Variants in ABCB8 observed in about 807,000 individuals in gnomAD.
ABCB8 encodes the protein mitochondrial potassium channel ATP-binding subunit.
ABCB8 carries 52 observed loss-of-function variants against 73.0 expected under a neutral mutation model. That is an observed-to-expected ratio of 0.71 (90% CI 0.57 to 0.90). ABCB8 has a LOEUF of 0.90. Ranked by LOEUF, ABCB8 falls within the 40% of genes least tolerant of loss-of-function variation. The pLI, the probability that ABCB8 is intolerant of heterozygous loss-of-function variation, is 0.00. For synonymous variants in ABCB8, 428 were observed against 423.5 expected, an observed-to-expected ratio of 1.01 and a Z score of -0.13; for missense variants, 909 against 974.6, an observed-to-expected ratio of 0.93 and a Z score of 0.90.
rs945410456 is a variant in ABCB8, at chr7:151,033,626, C to A, written c.117C>A (p.Ser39Arg). The change falls in exon 2 of 16, where the codon AGC (serine) becomes AGA (arginine). Residue 39 changes from serine (S) to arginine (R), a missense_variant. Transcript: ENST00000358849. ...ACAGGTACTCTGATGGCTACCGCAG[C>A]TCCTCCCTCCTCCGGGCCGTGGCCC... is the stretch of plus-strand genomic sequence containing the variant. ...SAVRYSDGYR[S>R]SSLLRAVAHL... is the part of the protein sequence containing the mutation. 6.3e-7 allele frequency: 1 copy of A among 1,587,734 alleles called. No homozygotes were observed. The highest frequency in any genetic ancestry group is 2.2e-5 in the East Asian group (1 of 44,446).
chr7:151,030,444 G>A lies in ABCB8; in HGVS notation c.95+1834G>A, dbSNP rs1048704919. On this transcript the variant is annotated intron_variant, in intron 1 of 15. Transcript: ENST00000358849. ...GCAGGAGAATTGCTCAAACCTGGGAGGCAGAGGTTGCAGTGAGCCGAGATT... is the reference window on the plus strand; with the variant it reads ...GCAGGAGAATTGCTCAAACCTGGGAAGCAGAGGTTGCAGTGAGCCGAGATT... 5.3e-5 allele frequency among the ~76,000 whole-genome samples: 8 copies of A among 152,030 alleles called. No homozygotes were observed. The South Asian group carries it at 6.2e-4, about 12-fold the overall frequency.
At chr7:151,032,310 G>A (rs773655192) in intron 1 of ABCB8, among the ~76,000 whole-genome samples, 2 of 152,170 alleles carry the variant, frequency 1.3e-5, no homozygotes, top group African/African-American at 2.4e-5. Context: ...TGAGTCTCCC[G>A]CACTCAAGCA....
Position 151,040,893 on chromosome 7 carries a change from T to A in ABCB8, c.1454T>A (p.Ile485Asn). The A allele has an allele frequency of 6.2e-7, 1 of 1,605,748 alleles. No individual in the cohort carries two copies. Residue 485 changes from isoleucine to asparagine, a missense_variant, in exon 12 of 16, where the codon ATC becomes AAC. By Grantham distance (149) the Ile-to-Asn change is moderately radical (BLOSUM62 -3). Transcript: ENST00000358849. ...DFTLTLPPGK[I>N]VALVGQSGGG... ...ACCCTGACGCTGCCCCCTGGCAAGA[T>A]CGTGGCCCTCGTGGGCCAGTCTGGC... is the stretch of plus-strand genomic sequence containing the variant.
chr7:151,029,493 CT>C (rs1796087215), intron 1 of ABCB8: 3 of 116,598 alleles, frequency 2.6e-5, no homozygotes, highest in African/African-American at 3.7e-5. Context: ...CTTTTCTTTT[CT>C]TTTCTTTTCT....
intron 1 of ABCB8, among the ~76,000 whole-genome samples, chr7:151,032,034 A>G (rs538769874): frequency 6.6e-6 from 1 of 152,260 alleles, no homozygotes; most frequent in South Asian, 2.1e-4. Flanking sequence ...CCCCTCCCGC[A>G]AGTCTCATGT....
rs1430497512 is a variant in ABCB8 at position 151,047,513 on chromosome 7, G to A, written c.*2164G>A. 2 of 152,256 alleles carry A rather than the reference G, an allele frequency of 1.3e-5. No individual in the cohort carries two copies. The highest frequency in any genetic ancestry group is 2.4e-5 in the African/African-American group (1 of 41,454). 9.4% of individuals were successfully genotyped at this position (152,256 alleles called of 1,614,324 possible). On this transcript the variant is annotated 3_prime_UTR_variant, in exon 16 of 16. Transcript: ENST00000358849. ...ACCTGTCATGTGCCATTGAGCCCAC[G>A]ATGGGGAATGAGGACAGTCCCTGCC...
In ABCB8 at chr7:151,040,843, C is replaced by A; in HGVS notation, c.1404C>A (p.Pro468=). The part of the protein sequence containing the change: ...QNVCFSYPCR[P]GFEVLKDFTL... ...CTCCTCCCAGCTACCCCTGCCGCCC[C>A]GGCTTCGAGGTGCTGAAAGACTTCA... The change falls in exon 12 of 16, where the codon CCC becomes CCA. Residue 468 remains proline, a synonymous_variant. Coordinates refer to ENST00000358849, the MANE Select transcript of ABCB8 (RefSeq NM_007188.5). The A allele has an allele frequency of 1.3e-6, 2 of 1,596,372 alleles. No individual in the cohort carries two copies. Among genetic ancestry groups the A allele is most frequent in the East Asian group, 2.3e-5 (1 of 43,840 alleles).
rs188149518 is a variant in ABCB8, at chr7:151,046,645, G to A, written c.*1296G>A. ...TGTTCCCCTGGGCAGGAGAAGAGGT[G>A]GTACCTGCAATGCACCTTCACAGCC... is the stretch of plus-strand genomic sequence containing the variant. On this transcript the variant is annotated 3_prime_UTR_variant, in exon 16 of 16. Transcript: ENST00000358849. 2 of 152,398 alleles carry A rather than the reference G, an allele frequency of 1.3e-5. No individual in the cohort carries two copies. Among genetic ancestry groups the A allele is most frequent in the Admixed American group, 1.3e-4 (2 of 15,308 alleles). 9.4% of individuals were successfully genotyped at this position (152,398 alleles called of 1,614,324 possible).
chr7:151,042,369 G>A (rs1179298695), intron 14 of ABCB8, among the ~76,000 whole-genome samples: 1 of 152,192 alleles, frequency 6.6e-6, no homozygotes, highest in East Asian at 1.9e-4. Flanking sequence ...GCTGGAGAAT[G>A]CGACAGAGGG....
chr7:151,044,098 G>A lies in ABCB8; in HGVS notation c.1893G>A (p.Arg631=). 1 of 1,613,900 alleles carries A rather than the reference G, an allele frequency of 6.2e-7. No homozygotes were observed. Among genetic ancestry groups the A allele is most frequent in the Non-Finnish European group, 8.5e-7 (1 of 1,179,972 alleles). The change falls in exon 15 of 16, where the codon CGG becomes CGA. Residue 631 remains arginine, a synonymous_variant. Transcript: ENST00000358849. ...ATSALDAESE[R]VVQEALDRAS... ...GCGCGCTGGATGCAGAGTCCGAGCG[G>A]GTTGTACAGGAGGCCCTGGACCGGG...
chr7:151,037,297 A>G (rs1796336502), intron 9 of ABCB8: 4 of 702,836 alleles, frequency 5.7e-6, no homozygotes, highest in Admixed American at 2.0e-5. Context: ...GTGACATTCC[A>G]TGCATGGAAG....
At chr7:151,031,220 A>G (rs536474261) in intron 1 of ABCB8, 30 of 1,444,870 alleles carry the variant, frequency 2.1e-5, no homozygotes, top group Non-Finnish European at 2.6e-5. Flanking sequence ...GCTGTCTAAG[A>G]TATAATTTCC....
In ABCB8 at chr7:151,036,110, G is replaced by T. The variant is rs1266498693; in HGVS notation, c.1051G>T (p.Ala351Ser). The T allele has an allele frequency of 1.2e-6, 2 of 1,613,526 alleles. No homozygotes were observed. Among genetic ancestry groups the T allele is most frequent in the African/African-American group, 1.3e-5 (1 of 75,072 alleles). ...AGAGCTGGAAGCCTGCCGCTGCCGG[G>T]CAGAGGAGCTGGGCCGCGGCATCGC... ...GAELEACRCR[A>S]EELGRGIALF... Residue 351 changes from alanine to serine, a missense_variant, in exon 8 of 16, where the codon GCA becomes TCA. Coordinates refer to ENST00000358849, the MANE Select transcript of ABCB8 (RefSeq NM_007188.5).
rs1354778346 is a variant in ABCB8 at position 151,034,358 on chromosome 7, A to ACCAC, written c.495_498dup (p.Val167ProfsTer8). 1 of 1,613,860 alleles carries ACCAC rather than the reference A, an allele frequency of 6.2e-7. No homozygotes were observed. The highest frequency in any genetic ancestry group is 8.5e-7 in the Non-Finnish European group (1 of 1,179,986). On this transcript the variant is annotated frameshift_variant, in exon 3 of 16. Transcript: ENST00000358849. LOFTEE classifies it high-confidence loss of function. ...GAGGTCGTGGCCAAGTACACAAGGGACCACGTAGGGAGTTTCATGACTGAG... is the reference window on the plus strand; with the variant it reads ...GAGGTCGTGGCCAAGTACACAAGGGACCACCCACGTAGGGAGTTTCATGACTGAG...
rs541174987 is a variant in ABCB8, at chr7:151,040,843, C to T, written c.1404C>T (p.Pro468=). 2.6e-5 allele frequency: 41 copies of T among 1,596,374 alleles called. No homozygotes were observed. The highest frequency in any genetic ancestry group is 1.7e-4 in the Middle Eastern group (1 of 6,044). The change falls in exon 12 of 16, where the codon CCC becomes CCT. Residue 468 remains proline, a synonymous_variant. Transcript: ENST00000358849. ...CTCCTCCCAGCTACCCCTGCCGCCC[C>T]GGCTTCGAGGTGCTGAAAGACTTCA... ...QNVCFSYPCR[P]GFEVLKDFTL...
chr7:151,035,411 CCGA>C (rs1312466684), intron 5 of ABCB8, among the ~76,000 whole-genome samples, 167 bp from the exon 6 acceptor site: 1 of 152,228 alleles, frequency 6.6e-6, no homozygotes, highest in East Asian at 1.9e-4. Context: ...CCCCAACTGG[CCGA>C]GTTAGGGTTA....
rs1010419026 is a variant in ABCB8, at chr7:151,041,111, T to G, written c.1496T>G (p.Val499Gly). 1.2e-6 allele frequency: 2 copies of G among 1,613,588 alleles called. No homozygotes were observed. Among genetic ancestry groups the G allele is most frequent in the Admixed American group, 3.3e-5 (2 of 60,024 alleles). ...VGQSGGGKTT[V>G]ASLLERFYDP... Reference sequence around the variant, plus strand: ...CCCAATTCCCCAGGAAAGACCACCGTGGCTTCCCTGCTGGAGCGCTTCTAC... The same window carrying G: ...CCCAATTCCCCAGGAAAGACCACCGGGGCTTCCCTGCTGGAGCGCTTCTAC... The change falls in exon 13 of 16, where the codon GTG becomes GGG. Residue 499 changes from valine to glycine, a missense_variant. Physicochemically the swap from Val to Gly is moderately radical, Grantham distance 109 (BLOSUM62 -3). Transcript: ENST00000358849.
At chr7:151,036,206 T>C (rs1244207253) in intron 8 of ABCB8, 36 bp downstream of exon 8, 1 of 1,566,076 alleles carries the variant, frequency 6.4e-7, no homozygotes, top group East Asian at 2.3e-5. Flanking sequence ...GGGGCGCTTG[T>C]GGGCTGGGGA....
In ABCB8 at chr7:151,035,797, C is replaced by T. The variant is rs548872253; in HGVS notation, c.927+55C>T. 4.9e-5 allele frequency: 79 copies of T among 1,609,850 alleles called. No homozygotes were observed. In the African/African-American group the frequency reaches 1.0e-3, roughly 21 times the overall value. ...CCTCCCCACACCGTTTCTCTTTCCA[C>T]TCCCCGGAACTCCTCCCTGTCCCCA... On this transcript the variant is annotated intron_variant, in intron 6 of 15. Transcript: ENST00000358849.
Sources: gnomAD v4.1 joint callset for allele counts (sites outside exome capture counted in the v4.1 genomes callset) on GRCh38, gnomAD v4.1.1 for gene constraint, MANE v1.5 for transcripts, NCBI Gene and HGNC (gene_info 2026-07-23, HGNC 2026-07-21) for gene names.